DEFB131A: variants seen among roughly 807,000 people sequenced by gnomAD.
DEFB131A encodes beta-defensin 131A.
A neutral mutation model predicts 2.4 loss-of-function variants in DEFB131A; 5 were observed. That is an observed-to-expected ratio of 2.12 (90% CI 1.11 to 4.47). The LOEUF (loss-of-function observed/expected upper bound fraction) is 4.47, where lower values mean the gene tolerates loss of function less well. Among genes scored for constraint, DEFB131A ranks in the 30% most tolerant of loss-of-function variants. The probability of loss-of-function intolerance (pLI) is 0.00; values close to 1 mark genes in which losing one functional copy is unlikely to be tolerated. For missense variants in DEFB131A, 120 were observed against 79.9 expected (o/e 1.50, Z -1.91); for synonymous variants, 34 against 25.7 (o/e 1.32, Z -0.97).
intron 1 of DEFB131A, among the ~76,000 whole-genome samples, chr4:9,448,402 G>T (rs972693490): frequency 2.0e-5 from 3 of 152,032 alleles, no homozygotes; most frequent in African/African-American, 7.2e-5. Flanking sequence ...AGGCTGGAGT[G>T]CAGTGGCAGT....
chr4:9,445,308 T>C (rs1473558206), intron 1 of DEFB131A, among the ~76,000 whole-genome samples: 1 of 152,018 alleles, frequency 6.6e-6, no homozygotes, highest in Non-Finnish European at 1.5e-5. Context: ...TGTGTTCCTT[T>C]AAAGTTGAAT....
chr4:9,448,923 T>A (rs1031258348), intron 1 of DEFB131A, among the ~76,000 whole-genome samples: 32 of 152,128 alleles, frequency 2.1e-4, no homozygotes, highest in Admixed American at 2.1e-3. Context: ...CCAAATGACA[T>A]AATTTTTTTG....
intron 1 of DEFB131A, among the ~76,000 whole-genome samples, chr4:9,448,181 A>T (rs1394884029): frequency 2.0e-5 from 3 of 151,814 alleles, no homozygotes; most frequent in African/African-American, 4.9e-5. Flanking sequence ...AAAAAAAAAA[A>T]AATCTTAAAA....
intron 1 of DEFB131A, among the ~76,000 whole-genome samples, chr4:9,449,251 C>T (rs1717588455): frequency 6.9e-6 from 1 of 145,266 alleles, no homozygotes; most frequent in South Asian, 2.3e-4. Context: ...ATTAAAATAT[C>T]CATACTATTC....
chr4:9,446,699 C>T (rs990018181), intron 1 of DEFB131A, among the ~76,000 whole-genome samples: 12 of 151,896 alleles, frequency 7.9e-5, no homozygotes, highest in Non-Finnish European at 8.8e-5. Context: ...ATAATATTAC[C>T]ATGTTCTTGC....
At chr4:9,449,754 T>C (rs1425322776) in intron 1 of DEFB131A, among the ~76,000 whole-genome samples, 1 of 152,074 alleles carries the variant, frequency 6.6e-6, no homozygotes, top group Non-Finnish European at 1.5e-5. Flanking sequence ...AGTAACTTTC[T>C]CAATAAAGGA....
At chr4:9,450,018 C>A (rs1171431847) in intron 1 of DEFB131A, among the ~76,000 whole-genome samples, 1 of 152,176 alleles carries the variant, frequency 6.6e-6, no homozygotes, top group Non-Finnish European at 1.5e-5. Flanking sequence ...ATGACTTTCT[C>A]AAGAATTTAA....
rs754851773 is a variant in DEFB131A at position 9,450,421 on chromosome 4, C to T, written c.120C>T (p.Cys40=). The T allele has an allele frequency of 3.1e-6, 5 of 1,608,872 alleles. No individual in the cohort carries two copies. Among genetic ancestry groups the T allele is most frequent in the South Asian group, 2.2e-5 (2 of 90,422 alleles). Residue 40 remains cysteine, a synonymous_variant, in exon 2 of 2, where the codon TGC becomes TGT. Coordinates refer to ENST00000334879, the MANE Select transcript of DEFB131A (RefSeq NM_001040448.3). The stretch of plus-strand genomic sequence containing the variant: ...AATATTATCATTGCAGACTGAAGTG[C>T]AATGCTGATGAACATGCAATTAGAT... The part of the protein sequence containing the change: ...PSEYYHCRLK[C]NADEHAIRYC...
intron 1 of DEFB131A, among the ~76,000 whole-genome samples, chr4:9,449,144 G>C (rs1305599298): frequency 6.7e-6 from 1 of 149,326 alleles, no homozygotes; most frequent in African/African-American, 2.5e-5. Context: ...ATGAAAGACT[G>C]GTACATTAAA....
In DEFB131A at chr4:9,450,398, T is replaced by A; in HGVS notation, c.97T>A (p.Tyr33Asn). The change falls in exon 2 of 2, where the codon TAT becomes AAT. Residue 33 changes from tyrosine (Y) to asparagine (N), a missense_variant. Tyr to Asn is a moderately radical substitution (Grantham distance 143). Coordinates refer to ENST00000334879, the MANE Select transcript of DEFB131A (RefSeq NM_001040448.3). ...FISNDECPSE[Y>N]YHCRLKCNAD... ...TTCTAATGATGAATGTCCTTCAGAA[T>A]ATTATCATTGCAGACTGAAGTGCAA... 1.2e-6 allele frequency: 2 copies of A among 1,600,290 alleles called. No homozygotes were observed. The highest frequency in any genetic ancestry group is 1.7e-6 in the Non-Finnish European group (2 of 1,172,850).
intron 1 of DEFB131A, among the ~76,000 whole-genome samples, chr4:9,448,609 C>T (rs774224179): frequency 1.3e-5 from 2 of 152,148 alleles, no homozygotes; most frequent in African/African-American, 2.4e-5. Flanking sequence ...AAGGTGCAGG[C>T]CACCGCACCC....
chr4:9,446,296 T>G (rs1717503139), intron 1 of DEFB131A, among the ~76,000 whole-genome samples: 1 of 152,054 alleles, frequency 6.6e-6, no homozygotes, highest in African/African-American at 2.4e-5. Flanking sequence ...TTATAAAGTA[T>G]TGGTGGATTT....
chr4:9,444,826 A>T (rs1000559631), intron 1 of DEFB131A, among the ~76,000 whole-genome samples: 2 of 151,710 alleles, frequency 1.3e-5, no homozygotes, highest in African/African-American at 4.8e-5. Context: ...CTATAATCCC[A>T]GCACTTGGGG....
intron 1 of DEFB131A, among the ~76,000 whole-genome samples, chr4:9,447,983 A>C (rs1487097623): frequency 6.6e-6 from 1 of 152,164 alleles, no homozygotes; most frequent in Non-Finnish European, 1.5e-5. Flanking sequence ...TATATGTGTA[A>C]TGAAATATCA....
intron 1 of DEFB131A, among the ~76,000 whole-genome samples, chr4:9,446,849 G>A (rs11943844): frequency 0.17 from 25,033 of 151,682 alleles, 2,200 homozygotes; most frequent in East Asian, 0.29. Context: ...TGACTCAATG[G>A]TTGTTCAGAA....
At chr4:9,450,100 G>A (rs920461339) in intron 1 of DEFB131A, among the ~76,000 whole-genome samples, 1 of 152,016 alleles carries the variant, frequency 6.6e-6, no homozygotes, top group African/African-American at 2.4e-5. Context: ...ATTCATTTTA[G>A]GTAGAAATAT....
intron 1 of DEFB131A, among the ~76,000 whole-genome samples, chr4:9,445,546 T>A (rs11722326): frequency 6.6e-6 from 1 of 151,112 alleles, no homozygotes; most frequent in African/African-American, 2.4e-5. Context: ...GGTTGACTTA[T>A]TGATCATTTC....
intron 1 of DEFB131A, among the ~76,000 whole-genome samples, chr4:9,446,494 T>A (rs1469091168): frequency 6.6e-6 from 1 of 152,118 alleles, no homozygotes; most frequent in Non-Finnish European, 1.5e-5. Context: ...TGTTCTTGGT[T>A]AGTCTAGCTA....
rs374393995 is a variant in DEFB131A, at chr4:9,450,517, A to G, written c.*3A>G. ...TTGACGGACAAAAGAAGTGGTGAAA[A>G]TTCTAACTCCATCTTCTTCAGACTC... On this transcript the variant is annotated 3_prime_UTR_variant, in exon 2 of 2. Transcript: ENST00000334879. The G allele has an allele frequency of 2.3e-4, 377 of 1,607,568 alleles. 1 individual carries two copies. Among genetic ancestry groups the G allele is most frequent in the Non-Finnish European group, 2.8e-4 (327 of 1,177,716 alleles).
Sources: allele counts gnomAD v4.1 joint callset (sites outside exome capture counted in the v4.1 genomes callset), GRCh38; gene constraint gnomAD v4.1.1; transcripts MANE v1.5; gene names NCBI Gene and HGNC (gene_info 2026-07-23, HGNC 2026-07-21).